CYRIB: variants seen among roughly 807,000 people sequenced by gnomAD.
CYRIB encodes CYFIP related Rac1 interactor B, also known as CYFIP-related Rac1 interactor B.
CYRIB carries 8 observed loss-of-function variants against 44.2 expected under a neutral mutation model. The observed-to-expected ratio is 0.18, with a 90% CI of 0.11 to 0.33. The LOEUF is 0.33. Among genes scored for constraint, CYRIB ranks in the 10% least tolerant of loss-of-function variants. The pLI is 1.00. For missense variants in CYRIB, 185 were observed against 382.8 expected, an observed-to-expected ratio of 0.48 and a Z score of 4.31; for synonymous variants, 131 against 127.2, an observed-to-expected ratio of 1.03 and a Z score of -0.20.
intron 1 of CYRIB, among the ~76,000 whole-genome samples, chr8:129,929,700 C>T (rs181130794): frequency 7.2e-5 from 11 of 151,884 alleles, no homozygotes; most frequent in African/African-American, 2.7e-4. Context: ...ACCACTTATC[C>T]CCATTATATA....
At chr8:129,947,407 C>A (rs916528887) in intron 2 of CYRIB, among the ~76,000 whole-genome samples, 27 of 152,012 alleles carry the variant, frequency 1.8e-4, no homozygotes, top group African/African-American at 6.0e-4. Context: ...ACTAAAAAAA[C>A]CCCAAAGAAA....
chr8:129,876,495 A>T (rs1292255537), intron 3 of CYRIB, among the ~76,000 whole-genome samples: 1 of 152,216 alleles, frequency 6.6e-6, no homozygotes, highest in Non-Finnish European at 1.5e-5. Context: ...GCTGGTATAC[A>T]GGAGGCAAGG....
chr8:129,913,965 G>T lies in CYRIB; in HGVS notation c.-49-10615C>A, dbSNP rs141481486. On this transcript the variant is annotated intron_variant, in intron 1 of 11. Coordinates refer to ENST00000519824, the Ensembl canonical transcript of CYRIB. ...GAGAAATGAAGGTACTGAAAATACAGAATTCTTTATAGTTTTATCCTTTTC... is the reference window on the plus strand; with the variant it reads ...GAGAAATGAAGGTACTGAAAATACATAATTCTTTATAGTTTTATCCTTTTC... 5.9e-3 allele frequency among the ~76,000 whole-genome samples: 897 copies of T among 152,172 alleles called. 9 individuals are homozygous for T. Among genetic ancestry groups the T allele is most frequent in the African/African-American group, 0.02 (850 of 41,514 alleles).
chr8:129,893,573 T>C (rs1216742151), intron 2 of CYRIB, among the ~76,000 whole-genome samples: 1 of 152,236 alleles, frequency 6.6e-6, no homozygotes, highest in East Asian at 1.9e-4. Context: ...TCACCCAGAT[T>C]AAAACTATAA....
Position 129,888,280 on chromosome 8 carries a change from C to T in CYRIB, c.-10-8809G>A, listed in dbSNP as rs187258775. 6.6e-5 allele frequency among the ~76,000 whole-genome samples: 10 copies of T among 152,272 alleles called. No homozygotes were observed. The East Asian group carries it at 9.6e-4, about 15-fold the overall frequency. On this transcript the variant is annotated intron_variant, in intron 2 of 11. Coordinates refer to ENST00000519824, the Ensembl canonical transcript of CYRIB. Reference sequence around the variant, plus strand: ...ACGTGCCACCTTCCTCTTCGCCTTCCGCCATTCAAGGTTTCCTGAGACCTT... The same window carrying T: ...ACGTGCCACCTTCCTCTTCGCCTTCTGCCATTCAAGGTTTCCTGAGACCTT...
intron 4 of CYRIB, among the ~76,000 whole-genome samples, chr8:129,868,378 T>C (rs1419804862): frequency 2.0e-5 from 3 of 152,226 alleles, no homozygotes; most frequent in African/African-American, 7.2e-5. Flanking sequence ...TTATTACTTA[T>C]CAATGTTTAA....
intron 1 of CYRIB, among the ~76,000 whole-genome samples, chr8:129,918,447 C>T (rs1025865284): frequency 6.6e-6 from 1 of 152,218 alleles, no homozygotes; most frequent in South Asian, 2.1e-4. Flanking sequence ...TAGTTAATGA[C>T]TTCCTGTGGA....
chr8:129,991,715 C>T (rs1037829001), intron 1 of CYRIB, among the ~76,000 whole-genome samples: 6 of 151,668 alleles, frequency 4.0e-5, no homozygotes, highest in Admixed American at 1.3e-4. Flanking sequence ...TTTGGGAGGC[C>T]GAGGCAGGCA....
At chr8:129,879,783 T>A (rs2060259430) in intron 2 of CYRIB, 1 of 237,740 alleles carries the variant, frequency 4.2e-6, no homozygotes, top group South Asian at 8.6e-5. Flanking sequence ...CCAATAGTGC[T>A]AATATTCTGA....
At chr8:129,974,240 C>A (rs566745387) in intron 1 of CYRIB, among the ~76,000 whole-genome samples, 1 of 152,188 alleles carries the variant, frequency 6.6e-6, no homozygotes, top group South Asian at 2.1e-4. Context: ...AACCTCAGGC[C>A]CAAAAGAATG....
At position 129,974,617 on chromosome 8, in the gene CYRIB, A is replaced by G. The variant is rs77266803; in HGVS notation, c.-295-3622T>C. On this transcript the variant is annotated intron_variant, in intron 1 of 14. Coordinates refer to the CYRIB transcript ENST00000401979. ...ATTTTTTAAACAATTGAGCCTCCCA[A>G]ACCACTTAGATGCTTCCTGGTTTTT... Among the ~76,000 whole-genome samples the G allele has an allele frequency of 8.8e-3, 1,337 of 152,144 alleles. 11 individuals carry two copies. Among genetic ancestry groups the G allele is most frequent in the Non-Finnish European group, 0.012 (841 of 67,980 alleles).
At chr8:129,862,862 C>T (rs998851160) in intron 4 of CYRIB, among the ~76,000 whole-genome samples, 17 of 152,166 alleles carry the variant, frequency 1.1e-4, no homozygotes, top group African/African-American at 3.6e-4. Flanking sequence ...GTCTTCTCAG[C>T]TCCATAGATA....
chr8:129,933,457 C>A (rs1196263236), intron 1 of CYRIB, among the ~76,000 whole-genome samples: 1 of 152,070 alleles, frequency 6.6e-6, no homozygotes, highest in African/African-American at 2.4e-5. Flanking sequence ...CAGGCAGACA[C>A]CCAGATTAAG....
chr8:129,996,977 A>G (rs1475823880), intron 1 of CYRIB, among the ~76,000 whole-genome samples: 1 of 151,714 alleles, frequency 6.6e-6, no homozygotes, highest in African/African-American at 2.4e-5. Flanking sequence ...CACAGGCAAA[A>G]ATCACTGCCC....
chr8:129,976,986 C>T (rs1291020259), intron 1 of CYRIB, among the ~76,000 whole-genome samples: 1 of 152,158 alleles, frequency 6.6e-6, no homozygotes, highest in East Asian at 1.9e-4. Flanking sequence ...GGATTACAGG[C>T]ATGTGCCACC....
At chr8:129,964,510 A>G (rs1214621284) in intron 2 of CYRIB, among the ~76,000 whole-genome samples, 1 of 152,220 alleles carries the variant, frequency 6.6e-6, no homozygotes, top group Non-Finnish European at 1.5e-5. Flanking sequence ...AACACCTTGC[A>G]GGCCGTCATG....
intron 1 of CYRIB, among the ~76,000 whole-genome samples, chr8:129,935,805 CT>C (rs1564180385): frequency 6.6e-6 from 1 of 152,166 alleles, no homozygotes; most frequent in Non-Finnish European, 1.5e-5. Flanking sequence ...AAAAATATAT[CT>C]CTGCATTAAG....
rs564788682 is a variant in CYRIB at position 129,919,351 on chromosome 8, G to A, written c.-49-16001C>T. ...ACTTTTGTCACATAGTGTTAAAAAC[G>A]TCCTCAAAACTCAACAAAGATCAGT... On this transcript the variant is annotated intron_variant, in intron 1 of 11. Coordinates refer to ENST00000519824, the Ensembl canonical transcript of CYRIB. Among the ~76,000 whole-genome samples, 10 of 152,236 alleles carry A rather than the reference G, an allele frequency of 6.6e-5. No homozygotes were observed. The South Asian group carries it at 1.0e-3, about 16-fold the overall frequency.
intron 1 of CYRIB, among the ~76,000 whole-genome samples, chr8:129,974,972 C>T (rs566864655): frequency 2.0e-4 from 31 of 151,942 alleles, no homozygotes; most frequent in South Asian, 1.2e-3. Context: ...CTCTGCCTCC[C>T]GGGTTCAAGA....
Sources: gnomAD v4.1 joint callset for allele counts (sites outside exome capture counted in the v4.1 genomes callset) on GRCh38, gnomAD v4.1.1 for gene constraint, MANE v1.5 for transcripts, NCBI Gene and HGNC (gene_info 2026-07-23, HGNC 2026-07-21) for gene names.